APBB2: variants seen among roughly 807,000 people sequenced by gnomAD.
APBB2 encodes amyloid beta precursor protein binding family B member 2.
Under a neutral mutation model 82.5 loss-of-function variants are expected in APBB2, and 38 were observed. The ratio of observed to expected loss-of-function variants is 0.46; its 90% CI spans 0.36 to 0.60. The LOEUF (loss-of-function observed/expected upper bound fraction) is 0.60, where lower values mean the gene tolerates loss of function less well. Ranked by LOEUF, APBB2 falls within the 20% of genes least tolerant of loss-of-function variation. The pLI, the probability that APBB2 is intolerant of heterozygous loss-of-function variation, is 0.00. For synonymous variants in APBB2, 341 were observed against 368.2 expected (o/e 0.93, Z 0.85); for missense variants, 772 against 972.3 (o/e 0.79, Z 2.74).
At chr4:40,998,025 A>C (rs1411525602) in intron 6 of APBB2, among the ~76,000 whole-genome samples, 1 of 152,226 alleles carries the variant, frequency 6.6e-6, no homozygotes, top group Admixed American at 6.5e-5. Context: ...TGGTTATTCA[A>C]ATTTGGGTAT....
At chr4:41,131,655 T>C (rs928792730) in intron 2 of APBB2, among the ~76,000 whole-genome samples, 2 of 152,054 alleles carry the variant, frequency 1.3e-5, no homozygotes, top group Non-Finnish European at 2.9e-5. Context: ...CATTACTGAG[T>C]CGGATGAGGT....
intron 1 of APBB2, among the ~76,000 whole-genome samples, chr4:41,172,916 C>T (rs1250942260): frequency 6.6e-6 from 1 of 152,154 alleles, no homozygotes. Context: ...CAAGGTAAAA[C>T]ATCAAGAAAG....
chr4:41,039,276 CA>C (rs1720442025), intron 4 of APBB2, among the ~76,000 whole-genome samples: 1 of 152,172 alleles, frequency 6.6e-6, no homozygotes, highest in Non-Finnish European at 1.5e-5. Flanking sequence ...CTGAAAAATT[CA>C]AGTAGTGGAC....
chr4:40,998,324 A>ATTTTATAATTT, intron 6 of APBB2, among the ~76,000 whole-genome samples: 1 of 152,348 alleles, frequency 6.6e-6, no homozygotes, highest in South Asian at 2.1e-4. Flanking sequence ...TAACCAACGC[A>ATTTTATAATTT]TGATGTTATA....
At chr4:40,934,268 T>TC (rs1560319789) in intron 10 of APBB2, among the ~76,000 whole-genome samples, 188 bp downstream of exon 10, 1 of 151,958 alleles carries the variant, frequency 6.6e-6, no homozygotes, top group Non-Finnish European at 1.5e-5. Flanking sequence ...GTTCTAGAAA[T>TC]CCCCCCAAAC....
chr4:40,848,961 A>G, intron 12 of APBB2: 1 of 962,934 alleles, frequency 1.0e-6, no homozygotes, highest in Non-Finnish European at 1.2e-6. Flanking sequence ...AGCTCATGCG[A>G]GCAAGAACCT....
intron 3 of APBB2, among the ~76,000 whole-genome samples, chr4:41,075,690 C>A (rs1357551588): frequency 6.6e-6 from 1 of 152,092 alleles, no homozygotes; most frequent in Non-Finnish European, 1.5e-5. Flanking sequence ...TGGCTCCAGG[C>A]AATGAAGGTC....
chr4:40,946,732 T>C (rs753075500), intron 6 of APBB2, among the ~76,000 whole-genome samples: 2 of 152,170 alleles, frequency 1.3e-5, no homozygotes, highest in Non-Finnish European at 2.9e-5. Context: ...GGATCAATTT[T>C]ATTCTAAGGA....
At chr4:40,896,225 C>T (rs781442446) in intron 10 of APBB2, among the ~76,000 whole-genome samples, 3 of 152,260 alleles carry the variant, frequency 2.0e-5, no homozygotes, top group Middle Eastern at 3.4e-3. Context: ...CCACCGTGCC[C>T]GGCTAATGTT....
chr4:41,077,171 A>ATT (rs368187037), intron 3 of APBB2, among the ~76,000 whole-genome samples: 39,864 of 129,718 alleles, frequency 0.31, 6,394 homozygotes, highest in Non-Finnish European at 0.36. Context: ...CACCCAGCTA[A>ATT]TTTTTTTTTT....
Position 40,934,496 on chromosome 4 carries a change from T to C in APBB2, c.1214A>G (p.Asp405Gly). The C allele has an allele frequency of 6.2e-7, 1 of 1,614,192 alleles. No homozygotes were observed. ...LKLRNAPHPD[D>G]DDSCSINSDP... The stretch of plus-strand genomic sequence containing the variant: ...ACTGTTGATACTACAAGAATCATCA[T>C]CATCAGGGTGTGGGGCATTTCTAGG... Residue 405 changes from aspartate (D) to glycine (G), a missense_variant, in exon 10 of 18, where the codon GAT (aspartate) becomes GGT (glycine). Coordinates refer to ENST00000508593, the MANE Select transcript of APBB2 (RefSeq NM_004307.2).
chr4:40,813,401 T>A lies in APBB2; in HGVS notation c.*2691A>T, dbSNP rs1314870159. 1.3e-5 allele frequency: 2 copies of A among 152,186 alleles called. No homozygotes were observed. The highest frequency in any genetic ancestry group is 2.4e-5 in the African/African-American group (1 of 41,456). 9.4% of individuals were successfully genotyped at this position (152,186 alleles called of 1,614,324 possible). ...GGCTGCCTGTTTACCGAATCACAGA[T>A]CTAAAGAATGCATAGATAACTGAAG... On this transcript the variant is annotated 3_prime_UTR_variant, in exon 18 of 18. Transcript: ENST00000508593.
At chr4:41,047,437 C>T (rs1723845502) in intron 4 of APBB2, among the ~76,000 whole-genome samples, 1 of 152,252 alleles carries the variant, frequency 6.6e-6, no homozygotes, top group African/African-American at 2.4e-5. Context: ...CCTATGGGGC[C>T]TAACCAAAGC....
At chr4:40,949,275 C>T (rs751820406) in intron 6 of APBB2, among the ~76,000 whole-genome samples, 2 of 151,832 alleles carry the variant, frequency 1.3e-5, no homozygotes, top group East Asian at 1.9e-4. Context: ...TCAAAAAAGG[C>T]GGGGGGAGGG....
At chr4:41,063,950 ATTTTTTTTTTTT>A (rs11422110) in intron 4 of APBB2, among the ~76,000 whole-genome samples, 3 of 91,794 alleles carry the variant, frequency 3.3e-5, no homozygotes, top group Non-Finnish European at 5.9e-5. Flanking sequence ...AAATGCTGGG[ATTTTTTTTTTTT>A]TTTTTTTTTT....
chr4:40,818,201 TAAG>T (rs898843509), intron 17 of APBB2, among the ~76,000 whole-genome samples: 5 of 152,172 alleles, frequency 3.3e-5, no homozygotes, highest in Admixed American at 1.3e-4. Context: ...GGATTTGAAC[TAAG>T]AAGAAAGCCC....
chr4:41,189,506 TAA>T (rs1330588758), intron 1 of APBB2, among the ~76,000 whole-genome samples: 1 of 152,062 alleles, frequency 6.6e-6, no homozygotes, highest in East Asian at 1.9e-4. Flanking sequence ...AATGGGTAAA[TAA>T]AAGTCTCCCA....
chr4:41,152,826 C>G (rs1369112991), intron 1 of APBB2, among the ~76,000 whole-genome samples: 1 of 152,208 alleles, frequency 6.6e-6, no homozygotes, highest in Non-Finnish European at 1.5e-5. Flanking sequence ...GCCACTTTAG[C>G]TCCTCTTACA....
At chr4:41,021,835 T>C (rs978486449) in intron 5 of APBB2, among the ~76,000 whole-genome samples, 1 of 152,196 alleles carries the variant, frequency 6.6e-6, no homozygotes, top group Non-Finnish European at 1.5e-5. Context: ...TAACACTCAC[T>C]GTGAGGGTCT....
Sources: allele counts gnomAD v4.1 joint callset (sites outside exome capture counted in the v4.1 genomes callset), GRCh38; gene constraint gnomAD v4.1.1; transcripts MANE v1.5; gene names NCBI Gene and HGNC (gene_info 2026-07-23, HGNC 2026-07-21).